The following GABRB1 variants were observed in gnomAD, a reference collection of about 807,000 sequenced individuals.
GABRB1 encodes the protein gamma-aminobutyric acid type A receptor subunit beta1.
Under a neutral mutation model 51.6 loss-of-function variants are expected in GABRB1, and 17 were observed. The observed-to-expected ratio is 0.33, with a 90% CI of 0.23 to 0.49. GABRB1 has a LOEUF of 0.49. GABRB1 is among the 20% of genes least tolerant of loss of function. GABRB1 has a pLI of 0.99. For synonymous variants in GABRB1, 247 were observed against 218.9 expected, an observed-to-expected ratio of 1.13 and a Z score of -1.14; for missense variants, 410 against 600.6, an observed-to-expected ratio of 0.68 and a Z score of 3.32.
intron 4 of GABRB1, among the ~76,000 whole-genome samples, chr4:47,311,260 C>CAACAACAACAAA (rs1462828856): frequency 6.7e-6 from 1 of 150,264 alleles, no homozygotes; most frequent in African/African-American, 2.4e-5. Flanking sequence ...ACAACAACAA[C>CAACAACAACAAA]AAAATACCAA....
At chr4:47,091,604 T>C (rs1462291363) in intron 3 of GABRB1, among the ~76,000 whole-genome samples, 2 of 152,130 alleles carry the variant, frequency 1.3e-5, no homozygotes. Flanking sequence ...CAGAAGTTGC[T>C]CCAGCTTAGA....
intron 4 of GABRB1, among the ~76,000 whole-genome samples, chr4:47,235,887 TATA>T (rs1455786460): frequency 1.3e-5 from 2 of 152,166 alleles, no homozygotes; most frequent in Non-Finnish European, 2.9e-5. Context: ...AATCTCCAGA[TATA>T]ATGAGAGTTC....
intron 4 of GABRB1, among the ~76,000 whole-genome samples, chr4:47,286,196 A>G (rs571980953): frequency 7.9e-5 from 12 of 152,274 alleles, no homozygotes; most frequent in African/African-American, 2.6e-4. Flanking sequence ...CTCTCAGCCA[A>G]AGACATTTCC....
At chr4:47,086,062 T>C (rs1443510832) in intron 3 of GABRB1, among the ~76,000 whole-genome samples, 1 of 152,240 alleles carries the variant, frequency 6.6e-6, no homozygotes, top group Non-Finnish European at 1.5e-5. Flanking sequence ...CAATATATTG[T>C]TTCCATAAAG....
chr4:47,289,052 C>G (rs760934687), intron 4 of GABRB1, among the ~76,000 whole-genome samples: 2 of 150,184 alleles, frequency 1.3e-5, no homozygotes, highest in Non-Finnish European at 3.0e-5. Flanking sequence ...TTTTTTTTGG[C>G]CTGAGTTTGT....
intron 4 of GABRB1, among the ~76,000 whole-genome samples, chr4:47,165,155 C>G (rs1385266600): frequency 6.6e-6 from 1 of 152,050 alleles, no homozygotes; most frequent in East Asian, 1.9e-4. Flanking sequence ...AATATCACCT[C>G]CGTCTATGTC....
At chr4:47,116,894 C>T (rs57599417) in intron 3 of GABRB1, among the ~76,000 whole-genome samples, 3,426 of 152,154 alleles carry the variant, frequency 0.023, 137 homozygotes, top group African/African-American at 0.077. Flanking sequence ...CACCTCTTCA[C>T]ATGGTGGAGC....
At chr4:47,347,497 G>A (rs916786971) in intron 5 of GABRB1, among the ~76,000 whole-genome samples, 4 of 152,040 alleles carry the variant, frequency 2.6e-5, no homozygotes, top group East Asian at 3.9e-4. Flanking sequence ...GAAGAATGCC[G>A]TATATGCTGT....
intron 3 of GABRB1, among the ~76,000 whole-genome samples, chr4:47,100,607 A>G (rs537810760): frequency 1.3e-5 from 2 of 152,148 alleles, no homozygotes; most frequent in East Asian, 3.9e-4. Context: ...GAATTCATTG[A>G]TTCAAATAAA....
chr4:47,361,425 G>C (rs1726801713), intron 5 of GABRB1, among the ~76,000 whole-genome samples: 1 of 152,134 alleles, frequency 6.6e-6, no homozygotes, highest in Admixed American at 6.6e-5. Context: ...TGAAGCCAGG[G>C]TAGCTAAAGT....
chr4:47,246,075 C>CT (rs1388976254), intron 4 of GABRB1, among the ~76,000 whole-genome samples: 1 of 91,382 alleles, frequency 1.1e-5, no homozygotes, highest in Non-Finnish European at 2.3e-5. Context: ...CTCTCATTCT[C>CT]CCCCCCCAAG....
intron 3 of GABRB1, among the ~76,000 whole-genome samples, chr4:47,091,756 T>C (rs1202544797): frequency 6.6e-6 from 1 of 152,212 alleles, no homozygotes; most frequent in Non-Finnish European, 1.5e-5. Flanking sequence ...AAAGTCTGAA[T>C]TCTTTCTAGG....
At chr4:47,095,896 C>T (rs1349040661) in intron 3 of GABRB1, among the ~76,000 whole-genome samples, 1 of 152,194 alleles carries the variant, frequency 6.6e-6, no homozygotes, top group African/African-American at 2.4e-5. Context: ...GCATTAAAAA[C>T]ATCCAATAGA....
rs148238583 is a variant in GABRB1, at chr4:47,361,821, A to G, written c.545-41497A>G. Among the ~76,000 whole-genome samples the G allele has an allele frequency of 2.6e-5, 4 of 152,276 alleles. No homozygotes were observed. In the East Asian group the frequency reaches 7.7e-4, roughly 29 times the overall value. On this transcript the variant is annotated intron_variant, in intron 5 of 8. Transcript: ENST00000295454. The stretch of plus-strand genomic sequence containing the variant: ...GTTTTGATGGGGAAATCAAAAAGTC[A>G]TGCTGAAGATATTGAACTTGAGGTG...
At chr4:47,371,987 GTGTTTTTAT>G (rs1474914944) in intron 5 of GABRB1, among the ~76,000 whole-genome samples, 2 of 152,122 alleles carry the variant, frequency 1.3e-5, no homozygotes, top group Admixed American at 1.3e-4. Context: ...ATTGCTTTTG[GTGTTTTTAT>G]TGTGAAATCT....
At chr4:47,199,000 C>A (rs1287246631) in intron 4 of GABRB1, among the ~76,000 whole-genome samples, 1 of 152,122 alleles carries the variant, frequency 6.6e-6, no homozygotes, top group Non-Finnish European at 1.5e-5. Context: ...CCCCCATGAT[C>A]CAATTACCTC....
At position 47,316,371 on chromosome 4, in the gene GABRB1, A is replaced by G. The variant is rs572785720; in HGVS notation, c.462-3756A>G. 8.6e-5 allele frequency among the ~76,000 whole-genome samples: 13 copies of G among 152,004 alleles called. No homozygotes were observed. The East Asian group carries it at 1.7e-3, about 20-fold the overall frequency. On this transcript the variant is annotated intron_variant, in intron 4 of 8. Transcript: ENST00000295454. ...TGCTTGGCTTATTTCAATTAACATAATGGCCTCCAGTTCCATCCATGTTGC... is the reference window on the plus strand; with the variant it reads ...TGCTTGGCTTATTTCAATTAACATAGTGGCCTCCAGTTCCATCCATGTTGC...
At chr4:47,001,708 A>G (rs1724224471) in intron 1 of GABRB1, among the ~76,000 whole-genome samples, 1 of 152,170 alleles carries the variant, frequency 6.6e-6, no homozygotes, top group African/African-American at 2.4e-5. Context: ...CAACCCCTGT[A>G]ATTGTGTGAG....
chr4:47,153,230 A>T (rs937089168), intron 3 of GABRB1, among the ~76,000 whole-genome samples: 6 of 152,038 alleles, frequency 3.9e-5, no homozygotes, highest in Admixed American at 3.3e-4. Context: ...AATATAGTAA[A>T]CAACCATTAA....
Sources: allele counts gnomAD v4.1 joint callset (sites outside exome capture counted in the v4.1 genomes callset), GRCh38; gene constraint gnomAD v4.1.1; transcripts MANE v1.5; gene names NCBI Gene and HGNC (gene_info 2026-07-23, HGNC 2026-07-21).